KCNMA1: variants seen among roughly 807,000 people sequenced by gnomAD.
The protein encoded by KCNMA1 is Calcium-activated potassium channel subunit alpha-1.
KCNMA1 carries 29 observed loss-of-function variants against 140.0 expected under a neutral mutation model. The observed-to-expected ratio is 0.21, with a 90% confidence interval of 0.15 to 0.28. KCNMA1 has a LOEUF of 0.28. Among genes scored for constraint, KCNMA1 ranks in the 10% least tolerant of loss-of-function variants. The pLI is 1.00. For synonymous variants in KCNMA1, 612 were observed against 611.9 expected (o/e 1.00, Z 0.00); for missense variants, 880 against 1,602.2 (o/e 0.55, Z 7.70).
At chr10:77,223,122 G>A (rs907422621) in intron 3 of KCNMA1, among the ~76,000 whole-genome samples, 4 of 151,966 alleles carry the variant, frequency 2.6e-5, no homozygotes, top group Admixed American at 2.0e-4. Flanking sequence ...CCAGCTACTC[G>A]GGAGGCTGAG....
chr10:77,515,290 A>T (rs2050007775), intron 1 of KCNMA1, among the ~76,000 whole-genome samples: 1 of 152,042 alleles, frequency 6.6e-6, no homozygotes, highest in Non-Finnish European at 1.5e-5. Context: ...ACAAAGGTAC[A>T]TTTTCAATCT....
intron 1 of KCNMA1, among the ~76,000 whole-genome samples, chr10:77,411,282 G>A (rs2096612930): frequency 1.3e-5 from 2 of 152,150 alleles, no homozygotes; most frequent in African/African-American, 4.8e-5. Context: ...ATCTTGGTGG[G>A]TGGGAGGGAA....
intron 6 of KCNMA1, among the ~76,000 whole-genome samples, chr10:77,120,594 T>C (rs1307398448): frequency 1.3e-5 from 2 of 152,170 alleles, no homozygotes; most frequent in Non-Finnish European, 2.9e-5. Flanking sequence ...AAAGGGGCGA[T>C]TTAGAATCTG....
At chr10:77,436,490 G>A (rs1172672771) in intron 1 of KCNMA1, among the ~76,000 whole-genome samples, 1 of 152,200 alleles carries the variant, frequency 6.6e-6, no homozygotes, top group Admixed American at 6.5e-5. Context: ...GGAAGGGGAG[G>A]GAACTGGAAT....
At chr10:77,623,482 G>A (rs552645039) in intron 1 of KCNMA1, among the ~76,000 whole-genome samples, 1 of 151,820 alleles carries the variant, frequency 6.6e-6, no homozygotes, top group East Asian at 1.9e-4. Flanking sequence ...GAGTACTTGA[G>A]ATCAGGAGTT....
chr10:76,982,301 T>C (rs943935648), intron 19 of KCNMA1, among the ~76,000 whole-genome samples: 4 of 149,276 alleles, frequency 2.7e-5, no homozygotes, highest in African/African-American at 9.9e-5. Context: ...AGACAATAAG[T>C]TAAGTCCTAG....
chr10:77,536,194 A>G (rs1357263331), intron 1 of KCNMA1, among the ~76,000 whole-genome samples: 1 of 152,212 alleles, frequency 6.6e-6, no homozygotes, highest in African/African-American at 2.4e-5. Flanking sequence ...AAATTAAGAC[A>G]AAGAAAGGAA....
At chr10:76,969,925 A>G (rs1592304447) in intron 20 of KCNMA1, 49 bp downstream of exon 20, 1 of 1,438,414 alleles carries the variant, frequency 7.0e-7, no homozygotes, top group Non-Finnish European at 9.8e-7. Context: ...CGAGGGGAGG[A>G]AGAGAAGGGC....
At chr10:77,386,456 T>C (rs1377258954) in intron 2 of KCNMA1, among the ~76,000 whole-genome samples, 1 of 152,160 alleles carries the variant, frequency 6.6e-6, no homozygotes, top group Non-Finnish European at 1.5e-5. Flanking sequence ...AGAATATGAC[T>C]TGTCAGCCGT....
At chr10:77,133,633 TAC>T (rs562784025) in intron 5 of KCNMA1, among the ~76,000 whole-genome samples, 2 of 151,886 alleles carry the variant, frequency 1.3e-5, no homozygotes, top group African/African-American at 2.4e-5. Context: ...AAAAACTTTA[TAC>T]ACCTAAAAGT....
At position 77,468,180 on chromosome 10, in the gene KCNMA1, G is replaced by A. The variant is rs186163742; in HGVS notation, c.379-64157C>T. On this transcript the variant is annotated intron_variant, in intron 1 of 27. Transcript: ENST00000286628. ...GCACAACCATGCCTGGCTAATTTTT[G>A]TATTTTTGGTAGAGACAGGGTTTCA... Among the ~76,000 whole-genome samples, 196 of 152,154 alleles carry A rather than the reference G, an allele frequency of 1.3e-3. 2 individuals are homozygous for A. The highest frequency in any genetic ancestry group is 4.6e-3 in the African/African-American group (192 of 41,522).
intron 6 of KCNMA1, among the ~76,000 whole-genome samples, chr10:77,113,902 A>T (rs568587281): frequency 1.2e-3 from 181 of 152,320 alleles, no homozygotes; most frequent in Admixed American, 3.9e-3. Flanking sequence ...CCCAAATACC[A>T]TACAATTTTA....
At chr10:76,878,123 G>C (rs992247104) in intron 29 of KCNMA1, among the ~76,000 whole-genome samples, 5 of 152,158 alleles carry the variant, frequency 3.3e-5, no homozygotes, top group African/African-American at 1.2e-4. Context: ...GGACTCATAG[G>C]CACCATGGGC....
chr10:77,050,729 G>T (rs1407260473), intron 14 of KCNMA1, among the ~76,000 whole-genome samples: 1 of 152,208 alleles, frequency 6.6e-6, no homozygotes, highest in African/African-American at 2.4e-5. Flanking sequence ...TGTTCCCAAA[G>T]ACGGTGAAGA....
intron 25 of KCNMA1, among the ~76,000 whole-genome samples, chr10:76,894,281 GA>G (rs2041546537): frequency 6.6e-6 from 1 of 152,150 alleles, no homozygotes; most frequent in Non-Finnish European, 1.5e-5. Flanking sequence ...TCCACAGGCA[GA>G]AGAATAAAGT....
chr10:77,369,133 G>A (rs1010514522), intron 2 of KCNMA1, among the ~76,000 whole-genome samples: 1 of 152,162 alleles, frequency 6.6e-6, no homozygotes, highest in East Asian at 1.9e-4. Flanking sequence ...AAATCTGGGG[G>A]TGAGCTGGCA....
chr10:77,513,283 C>A (rs573531015), intron 1 of KCNMA1, among the ~76,000 whole-genome samples: 1 of 152,350 alleles, frequency 6.6e-6, no homozygotes, highest in African/African-American at 2.4e-5. Context: ...TCCTGGCTGG[C>A]TTCCTCTGAG....
intron 19 of KCNMA1, chr10:76,977,644 A>G: frequency 2.8e-6 from 2 of 702,896 alleles, no homozygotes; most frequent in Non-Finnish European, 2.6e-6. Context: ...CCAACCTGCC[A>G]AGACAGCCAA....
chr10:76,887,133 A>G lies in KCNMA1; in HGVS notation c.*133T>C. ...AAATGACAACCACATGCACACTATCATACATATGCAAATATGTGTAAAAAA... is the reference window on the plus strand; with the variant it reads ...AAATGACAACCACATGCACACTATCGTACATATGCAAATATGTGTAAAAAA... On this transcript the variant is annotated 3_prime_UTR_variant, in exon 28 of 28. Coordinates refer to ENST00000286628, the MANE Select transcript of KCNMA1 (RefSeq NM_001161352.2). 6.2e-7 allele frequency: 1 copy of G among 1,602,980 alleles called. No homozygotes were observed. The highest frequency in any genetic ancestry group is 1.1e-5 in the South Asian group (1 of 90,054).
Sources: gnomAD v4.1 joint callset for allele counts (sites outside exome capture counted in the v4.1 genomes callset) on GRCh38, gnomAD v4.1.1 for gene constraint, MANE v1.5 for transcripts, NCBI Gene and HGNC (gene_info 2026-07-23, HGNC 2026-07-21) for gene names.